CD96: variants seen among roughly 807,000 people sequenced by gnomAD.
CD96 encodes T-cell surface protein tactile.
Under a neutral mutation model 71.3 loss-of-function variants are expected in CD96, and 70 were observed. That is an observed-to-expected ratio of 0.98 (90% CI 0.81 to 1.20). CD96 has a LOEUF of 1.20. Among genes scored for constraint, CD96 ranks in the 50% most tolerant of loss-of-function variants. The probability of loss-of-function intolerance (pLI) is 0.00; values close to 1 mark genes in which losing one functional copy is unlikely to be tolerated. For synonymous variants in CD96, 248 were observed against 233.0 expected (o/e 1.06, Z -0.59); for missense variants, 742 against 677.5 (o/e 1.10, Z -1.06).
rs1013017764 is a variant in CD96 at position 111,651,257 on chromosome 3, G to A, written c.*1451G>A. On this transcript the variant is annotated 3_prime_UTR_variant, in exon 14 of 14. Coordinates refer to ENST00000352690, the MANE Select transcript of CD96 (RefSeq NM_005816.5). ...GCCAGCCTCCAAGATGAGCCCCAGT[G>A]TTCTTGCCTCCTACTATTCACATCT... is the stretch of plus-strand genomic sequence containing the variant. 6.6e-6 allele frequency: 1 copy of A among 152,198 alleles called. No homozygotes were observed. Among genetic ancestry groups the A allele is most frequent in the South Asian group, 2.1e-4 (1 of 4,828 alleles). 9.4% of individuals were successfully genotyped at this position (152,198 alleles called of 1,614,324 possible).
chr3:111,594,047 G>A (rs747529111), intron 5 of CD96: 15 of 1,614,110 alleles, frequency 9.3e-6, no homozygotes, highest in African/African-American at 2.7e-5. Context: ...AGAGAACCGG[G>A]TGCCCTTGTT....
chr3:111,646,023 G>A (rs1939811399), intron 12 of CD96, among the ~76,000 whole-genome samples: 1 of 151,982 alleles, frequency 6.6e-6, no homozygotes, highest in Non-Finnish European at 1.5e-5. Flanking sequence ...ATAAAAACGG[G>A]GCAATGAAAT....
At chr3:111,640,854 A>G (rs1313348503) in intron 12 of CD96, among the ~76,000 whole-genome samples, 1 of 152,312 alleles carries the variant, frequency 6.6e-6, no homozygotes, top group Non-Finnish European at 1.5e-5. Context: ...AAACAAAAGA[A>G]TTTTTAGCCA....
chr3:111,588,299 G>GTTA lies in CD96; in HGVS notation c.807+2922_807+2923insTAT, dbSNP rs540930245. On this transcript the variant is annotated intron_variant, in intron 5 of 13. Transcript: ENST00000352690. ...CTAGGGTAGGGGCAAAATGCCACCA[G>GTTA]TCTCTTAACTAAAACATAACAAGAG... Among the ~76,000 whole-genome samples, 658 of 152,302 alleles carry GTTA rather than the reference G, an allele frequency of 4.3e-3. 5 individuals carry two copies. Among genetic ancestry groups the GTTA allele is most frequent in the African/African-American group, 0.013 (554 of 41,558 alleles).
intron 10 of CD96, among the ~76,000 whole-genome samples, chr3:111,627,679 C>T (rs575959928): frequency 7.2e-5 from 11 of 152,360 alleles, no homozygotes; most frequent in Non-Finnish European, 1.2e-4. Context: ...AAGCAGGTCC[C>T]TGATTCCATT....
intron 10 of CD96, among the ~76,000 whole-genome samples, chr3:111,632,916 G>A (rs1009559360): frequency 1.3e-5 from 2 of 152,128 alleles, no homozygotes; most frequent in African/African-American, 2.4e-5. Context: ...CATGTCAGCA[G>A]TGTTATCATT....
chr3:111,601,436 A>G (rs978541922), intron 7 of CD96, among the ~76,000 whole-genome samples: 1 of 152,218 alleles, frequency 6.6e-6, no homozygotes, highest in African/African-American at 2.4e-5. Context: ...TAGCTAATAG[A>G]AGATTTTTAT....
chr3:111,547,660 G>C (rs111870543), intron 2 of CD96, among the ~76,000 whole-genome samples: 42 of 152,268 alleles, frequency 2.8e-4, no homozygotes, highest in African/African-American at 9.9e-4. Context: ...TAAGCTTGTA[G>C]CTACTAAAAA....
In CD96 at chr3:111,600,873, A is replaced by C; in HGVS notation, c.1046A>C (p.Lys349Thr). 1 of 1,613,244 alleles carries C rather than the reference A, an allele frequency of 6.2e-7. No individual in the cohort carries two copies. The highest frequency in any genetic ancestry group is 1.1e-5 in the South Asian group (1 of 91,054). The change falls in exon 7 of 14, where the codon AAA becomes ACA. Residue 349 changes from lysine (K) to threonine (T), a missense_variant. Physicochemically the swap from Lys to Thr is moderately conservative, Grantham distance 78. Coordinates refer to ENST00000352690, the MANE Select transcript of CD96 (RefSeq NM_005816.5). ...CMALSPVPGN[K>T]VWNISSEKIT... is the part of the protein sequence containing the mutation. ...GCTCTGTCTCCAGTCCCAGGAAATA[A>C]AGTGTGGAACATCTCATCAGAAAAG...
intron 4 of CD96, among the ~76,000 whole-genome samples, chr3:111,580,754 G>T (rs914542590): frequency 2.6e-5 from 4 of 151,916 alleles, no homozygotes; most frequent in Non-Finnish European, 2.9e-5. Flanking sequence ...CTGATGATCA[G>T]GTTCCTTACG....
At chr3:111,645,938 A>C (rs1939807540) in intron 12 of CD96, among the ~76,000 whole-genome samples, 1 of 152,162 alleles carries the variant, frequency 6.6e-6, no homozygotes, top group Non-Finnish European at 1.5e-5. Context: ...AACACAGAAA[A>C]GATGTGATAA....
At chr3:111,570,547 C>A in intron 3 of CD96, 1 of 1,270,148 alleles carries the variant, frequency 7.9e-7, no homozygotes, top group Non-Finnish European at 1.1e-6. Context: ...CTGACAGTGG[C>A]CTGGCCAGAC....
intron 12 of CD96, 28 bp from the exon 13 acceptor site, chr3:111,647,515 A>T: frequency 6.2e-7 from 1 of 1,608,858 alleles, no homozygotes; most frequent in Non-Finnish European, 8.5e-7. Context: ...TTGGGATTAA[A>T]GTTCATCTTT....
At chr3:111,644,794 A>C (rs1421737899) in intron 12 of CD96, among the ~76,000 whole-genome samples, 3 of 152,232 alleles carry the variant, frequency 2.0e-5, no homozygotes, top group Non-Finnish European at 4.4e-5. Context: ...AATCAGGGAA[A>C]TGCAAATCAA....
At chr3:111,634,310 C>CA (rs1304098516) in intron 10 of CD96, 2 of 151,994 alleles carry the variant, frequency 1.3e-5, no homozygotes, top group Non-Finnish European at 1.5e-5. Context: ...CAAACTTTAC[C>CA]AAAAAATGAA....
intron 12 of CD96, among the ~76,000 whole-genome samples, chr3:111,641,697 C>T (rs760190819): frequency 2.0e-5 from 3 of 152,180 alleles, no homozygotes; most frequent in Non-Finnish European, 4.4e-5. Flanking sequence ...CGAATACACA[C>T]TCTATTCAAC....
intron 9 of CD96, 130 bp from the exon 10 acceptor site, chr3:111,624,203 G>T: frequency 1.4e-6 from 1 of 727,800 alleles, no homozygotes; most frequent in South Asian, 1.5e-5. Flanking sequence ...TAGTGTTCCT[G>T]CATAGGGAAG....
chr3:111,655,624 C>T (rs1940210427), downstream of CD96, among the ~76,000 whole-genome samples: 1 of 151,824 alleles, frequency 6.6e-6, no homozygotes. Flanking sequence ...AAGGGTTATA[C>T]CAAGAATGTA....
chr3:111,664,159 G>A (rs1940425130), intron 14 of CD96, among the ~76,000 whole-genome samples: 1 of 150,288 alleles, frequency 6.7e-6, no homozygotes, highest in Non-Finnish European at 1.5e-5. Flanking sequence ...TCACATTATT[G>A]GGTGTATACC....
Sources: allele counts gnomAD v4.1 joint callset (sites outside exome capture counted in the v4.1 genomes callset), GRCh38; gene constraint gnomAD v4.1.1; transcripts MANE v1.5; gene names NCBI Gene and HGNC (gene_info 2026-07-23, HGNC 2026-07-21).